Variants in ATG10 observed in about 807,000 individuals in gnomAD.
ATG10 encodes ubiquitin-like-conjugating enzyme ATG10.
ATG10 carries 30 observed loss-of-function variants against 32.1 expected under a neutral mutation model. The observed-to-expected ratio is 0.94, with a 90% CI of 0.70 to 1.27. The LOEUF (loss-of-function observed/expected upper bound fraction) is 1.27, where lower values mean the gene tolerates loss of function less well. Among genes scored for constraint, ATG10 ranks in the 50% most tolerant of loss-of-function variants. The pLI, the probability that ATG10 is intolerant of heterozygous loss-of-function variation, is 0.00. For missense variants in ATG10, 233 were observed against 262.3 expected, an observed-to-expected ratio of 0.89 and a Z score of 0.77; for synonymous variants, 87 against 91.5, an observed-to-expected ratio of 0.95 and a Z score of 0.28.
At chr5:82,152,517 A>G (rs561250878) in intron 3 of ATG10, among the ~76,000 whole-genome samples, 3 of 152,332 alleles carry the variant, frequency 2.0e-5, no homozygotes, top group African/African-American at 4.8e-5. Context: ...ACTTTATTCA[A>G]TCACAACCAC....
intron 5 of ATG10, among the ~76,000 whole-genome samples, chr5:82,242,610 G>A (rs1317963997): frequency 1.3e-5 from 2 of 152,162 alleles, no homozygotes; most frequent in Middle Eastern, 3.4e-3. Context: ...ATCTTAAAGC[G>A]AATGACAATT....
chr5:82,167,256 A>G (rs1743619363), intron 4 of ATG10, among the ~76,000 whole-genome samples: 1 of 152,208 alleles, frequency 6.6e-6, no homozygotes, highest in African/African-American at 2.4e-5. Flanking sequence ...ATTTGTTTAT[A>G]TCTATAAAAT....
At chr5:82,140,178 G>C (rs865881420) in intron 3 of ATG10, among the ~76,000 whole-genome samples, 2 of 25,122 alleles carry the variant, frequency 8.0e-5, no homozygotes, top group Non-Finnish European at 1.6e-4. Flanking sequence ...CAGCCGCCCC[G>C]TCCGGGAGGG....
At chr5:82,129,917 C>G (rs1417052460) in intron 3 of ATG10, among the ~76,000 whole-genome samples, 3 of 152,122 alleles carry the variant, frequency 2.0e-5, no homozygotes, top group African/African-American at 7.2e-5. Flanking sequence ...CAGGCAAGAA[C>G]GTTTAAGTCT....
chr5:82,035,277 T>G (rs1219980709), intron 2 of ATG10, among the ~76,000 whole-genome samples: 1 of 152,216 alleles, frequency 6.6e-6, no homozygotes, highest in Non-Finnish European at 1.5e-5. Flanking sequence ...GTTGTTTATC[T>G]TCTTCATCCT....
rs548485512 is a variant in ATG10 at position 82,109,965 on chromosome 5, A to G, written c.216+51363A>G. Among the ~76,000 whole-genome samples, 7 of 127,424 alleles carry G rather than the reference A, an allele frequency of 5.5e-5. No homozygotes were observed. The South Asian group carries it at 1.1e-3, about 20-fold the overall frequency. The allele number at this position is 127,424 out of a possible 152,430, so 83.6% of individuals were successfully genotyped here. On this transcript the variant is annotated intron_variant, in intron 3 of 7. Transcript: ENST00000282185. ...CTATCCCCCATCCCCCCACCCCACA[A>G]TGGGCCCTGGTGTGTGATGTTCCCC... is the stretch of plus-strand genomic sequence containing the variant.
At chr5:82,099,677 T>C (rs973850419) in intron 3 of ATG10, among the ~76,000 whole-genome samples, 1 of 152,172 alleles carries the variant, frequency 6.6e-6, no homozygotes, top group Non-Finnish European at 1.5e-5. Flanking sequence ...TGTATATTAA[T>C]TTAGCATAGT....
chr5:82,176,849 C>T lies in ATG10; in HGVS notation c.356-1641C>T, dbSNP rs78089394. 1.8e-3 allele frequency among the ~76,000 whole-genome samples: 280 copies of T among 152,078 alleles called. 2 individuals carry two copies. Among genetic ancestry groups the T allele is most frequent in the African/African-American group, 6.3e-3 (263 of 41,488 alleles). On this transcript the variant is annotated intron_variant, in intron 4 of 7. Coordinates refer to ENST00000282185, the MANE Select transcript of ATG10 (RefSeq NM_031482.5). ...TTATCACAAGATAATGGTCTCCTGCCGCTAGATAAATGCCAAGATGAAGAT... is the reference window on the plus strand; with the variant it reads ...TTATCACAAGATAATGGTCTCCTGCTGCTAGATAAATGCCAAGATGAAGAT...
chr5:82,040,202 C>T (rs1164699533), intron 2 of ATG10, among the ~76,000 whole-genome samples: 1 of 152,206 alleles, frequency 6.6e-6, no homozygotes, highest in Non-Finnish European at 1.5e-5. Context: ...ATAAAACCCT[C>T]TCCTCTTGAT....
intron 5 of ATG10, among the ~76,000 whole-genome samples, chr5:82,187,346 A>G (rs1480718083): frequency 6.6e-6 from 1 of 151,718 alleles, no homozygotes; most frequent in East Asian, 2.0e-4. Flanking sequence ...CCCTGTCTCT[A>G]CTAAAAATAC....
intron 5 of ATG10, among the ~76,000 whole-genome samples, chr5:82,220,252 A>G (rs1418000325): frequency 6.6e-6 from 1 of 150,818 alleles, no homozygotes; most frequent in Non-Finnish European, 1.5e-5. Flanking sequence ...AGAGCAGGAC[A>G]GGTGGGCAGT....
chr5:82,139,938 T>G (rs1324300913), intron 3 of ATG10, among the ~76,000 whole-genome samples: 70 of 52,942 alleles, frequency 1.3e-3, no homozygotes, highest in South Asian at 1.7e-3. Flanking sequence ...GGGAGGGAGG[T>G]GGGGGGGTCA....
intron 3 of ATG10, among the ~76,000 whole-genome samples, chr5:82,154,362 T>A (rs1349747755): frequency 6.6e-6 from 1 of 152,220 alleles, no homozygotes; most frequent in Non-Finnish European, 1.5e-5. Flanking sequence ...ACCTTTGATC[T>A]AGAATATTTA....
At chr5:82,232,057 G>A (rs1469626501) in intron 5 of ATG10, among the ~76,000 whole-genome samples, 3 of 152,134 alleles carry the variant, frequency 2.0e-5, no homozygotes, top group Non-Finnish European at 2.9e-5. Flanking sequence ...CCAGACATAA[G>A]TATCTGGTTA....
chr5:81,993,310 C>CTTTCTTTCCTTCCTT, intron 2 of ATG10, among the ~76,000 whole-genome samples: 1 of 61,430 alleles, frequency 1.6e-5, no homozygotes, highest in Non-Finnish European at 3.5e-5. Flanking sequence ...TCCTTTCTTT[C>CTTTCTTTCCTTCCTT]CTTTCTTTCT....
intron 3 of ATG10, among the ~76,000 whole-genome samples, chr5:82,074,528 CT>C (rs1448105794): frequency 6.6e-6 from 1 of 152,012 alleles, no homozygotes; most frequent in East Asian, 1.9e-4. Flanking sequence ...TTTCATTCAT[CT>C]TTTCTTTGGT....
chr5:81,998,935 A>C (rs1287830730), intron 2 of ATG10, among the ~76,000 whole-genome samples: 7 of 152,206 alleles, frequency 4.6e-5, no homozygotes, highest in African/African-American at 1.7e-4. Flanking sequence ...ACACAATAAT[A>C]GCAGGAGACT....
At chr5:82,097,314 A>G (rs1449094763) in intron 3 of ATG10, among the ~76,000 whole-genome samples, 2 of 152,226 alleles carry the variant, frequency 1.3e-5, no homozygotes, top group Non-Finnish European at 2.9e-5. Flanking sequence ...CAAAGGTCAC[A>G]GAATTAAATT....
At chr5:82,086,050 A>G (rs960424726) in intron 3 of ATG10, among the ~76,000 whole-genome samples, 3 of 152,170 alleles carry the variant, frequency 2.0e-5, no homozygotes, top group Non-Finnish European at 4.4e-5. Context: ...TGTATTTAAA[A>G]AATTCTTAAC....
Sources: allele counts gnomAD v4.1 joint callset (sites outside exome capture counted in the v4.1 genomes callset), GRCh38; gene constraint gnomAD v4.1.1; transcripts MANE v1.5; gene names NCBI Gene and HGNC (gene_info 2026-07-23, HGNC 2026-07-21).